Variants in LUZP2 observed in about 807,000 individuals in gnomAD.
The protein encoded by LUZP2 is leucine zipper protein 2.
In LUZP2, 52 loss-of-function variants were observed where a neutral mutation model predicts 51.6. That is an observed-to-expected ratio of 1.01 (90% CI 0.81 to 1.27). The LOEUF is 1.27. Ranked by LOEUF, LUZP2 falls within the 50% of genes most tolerant of loss-of-function variation. The probability of loss-of-function intolerance (pLI) is 0.00; values close to 1 mark genes in which losing one functional copy is unlikely to be tolerated. For missense variants in LUZP2, 436 were observed against 395.4 expected (o/e 1.10, Z -0.87); for synonymous variants, 154 against 137.3 (o/e 1.12, Z -0.85).
intron 7 of LUZP2, among the ~76,000 whole-genome samples, chr11:24,968,304 C>T (rs1855647241): frequency 6.6e-6 from 1 of 152,078 alleles, no homozygotes; most frequent in Non-Finnish European, 1.5e-5. Context: ...TGAATTCCAC[C>T]ATTGTATCAC....
At chr11:24,530,268 T>A (rs1171356717) in intron 1 of LUZP2, among the ~76,000 whole-genome samples, 1 of 150,906 alleles carries the variant, frequency 6.6e-6, no homozygotes, top group East Asian at 1.9e-4. Flanking sequence ...GTTAAATGCA[T>A]AACTTCAGTA....
chr11:24,738,953 G>T (rs1440429695), intron 4 of LUZP2, among the ~76,000 whole-genome samples: 1 of 152,014 alleles, frequency 6.6e-6, no homozygotes, highest in East Asian at 1.9e-4. Flanking sequence ...TACGCACCAT[G>T]TATAGGGATT....
chr11:24,819,161 T>C (rs1399404458), intron 5 of LUZP2, among the ~76,000 whole-genome samples: 1 of 151,970 alleles, frequency 6.6e-6, no homozygotes, highest in African/African-American at 2.4e-5. Flanking sequence ...GCAAATATAA[T>C]GGGAAGTGAA....
intron 9 of LUZP2, among the ~76,000 whole-genome samples, chr11:25,020,593 G>GT (rs1857303626): frequency 6.6e-6 from 1 of 151,860 alleles, no homozygotes; most frequent in Non-Finnish European, 1.5e-5. Context: ...TGGTGGTGTT[G>GT]TATATAGCAA....
At chr11:24,586,453 T>G (rs967119245) in intron 1 of LUZP2, among the ~76,000 whole-genome samples, 3 of 152,082 alleles carry the variant, frequency 2.0e-5, no homozygotes, top group Admixed American at 6.5e-5. Flanking sequence ...GAAAAATATA[T>G]AATTTTCTCA....
intron 4 of LUZP2, among the ~76,000 whole-genome samples, chr11:24,757,161 T>G (rs1003063871): frequency 1.3e-5 from 2 of 152,120 alleles, no homozygotes; most frequent in African/African-American, 4.8e-5. Context: ...AATTGATAAT[T>G]TTAAACTATT....
intron 1 of LUZP2, among the ~76,000 whole-genome samples, chr11:24,690,387 TA>T (rs1203844705): frequency 6.6e-6 from 1 of 152,140 alleles, no homozygotes; most frequent in Non-Finnish European, 1.5e-5. Context: ...CAAAAGCTCA[TA>T]GAAGGTGATT....
intron 1 of LUZP2, among the ~76,000 whole-genome samples, chr11:24,655,749 C>G (rs2133971673): frequency 6.6e-6 from 1 of 152,248 alleles, no homozygotes; most frequent in Middle Eastern, 3.4e-3. Context: ...CTGGAGTTTG[C>G]TGTATCTAAG....
intron 1 of LUZP2, among the ~76,000 whole-genome samples, chr11:24,645,310 A>G (rs1855430385): frequency 1.3e-5 from 2 of 152,180 alleles, no homozygotes. Context: ...TTTTATGTTG[A>G]ACATATTGTA....
intron 1 of LUZP2, among the ~76,000 whole-genome samples, chr11:24,688,376 C>T (rs1195013967): frequency 6.6e-6 from 1 of 152,058 alleles, no homozygotes; most frequent in Non-Finnish European, 1.5e-5. Context: ...CTCAGGAAGA[C>T]TGTTTTGGAA....
intron 9 of LUZP2, among the ~76,000 whole-genome samples, chr11:25,035,638 T>C (rs1857833162): frequency 6.6e-6 from 1 of 152,146 alleles, no homozygotes; most frequent in Non-Finnish European, 1.5e-5. Flanking sequence ...TTAAACACTA[T>C]TCTTATCAAA....
At chr11:25,063,408 A>G (rs993734921) in intron 10 of LUZP2, among the ~76,000 whole-genome samples, 1 of 151,764 alleles carries the variant, frequency 6.6e-6, no homozygotes, top group African/African-American at 2.4e-5. Context: ...TCTTAATACA[A>G]TATTTTCCAA....
At chr11:24,930,837 C>CT (rs768814071) in intron 7 of LUZP2, among the ~76,000 whole-genome samples, 3 of 152,112 alleles carry the variant, frequency 2.0e-5, no homozygotes, top group Non-Finnish European at 4.4e-5. Flanking sequence ...TTATAGATTT[C>CT]TTTTCTTCCT....
intron 1 of LUZP2, among the ~76,000 whole-genome samples, chr11:24,524,002 C>T (rs1333316192): frequency 6.6e-6 from 1 of 151,700 alleles, no homozygotes; most frequent in Non-Finnish European, 1.5e-5. Context: ...ATTCATTTAT[C>T]TCCTGAATGA....
intron 5 of LUZP2, among the ~76,000 whole-genome samples, chr11:24,897,537 C>G (rs909766489): frequency 8.5e-5 from 13 of 152,100 alleles, no homozygotes; most frequent in African/African-American, 2.9e-4. Flanking sequence ...AGCTGTAACA[C>G]TCACCGCGAA....
intron 1 of LUZP2, among the ~76,000 whole-genome samples, chr11:24,521,966 T>A (rs557685677): frequency 1.2e-4 from 18 of 152,050 alleles, no homozygotes; most frequent in Non-Finnish European, 2.4e-4. Context: ...ATATATATAT[T>A]TTTCGAATCA....
chr11:24,958,876 T>C (rs1482792495), intron 7 of LUZP2, among the ~76,000 whole-genome samples: 2 of 152,226 alleles, frequency 1.3e-5, no homozygotes, highest in East Asian at 1.9e-4. Flanking sequence ...CTAGGGTTTT[T>C]ATGGTTTTAG....
At chr11:24,716,328 A>G (rs189367513) in intron 1 of LUZP2, among the ~76,000 whole-genome samples, 12 of 152,334 alleles carry the variant, frequency 7.9e-5, no homozygotes, top group Non-Finnish European at 1.3e-4. Flanking sequence ...GGCGTTCAAC[A>G]TACTCTTGGA....
chr11:25,022,361 T>C (rs1201030837), intron 9 of LUZP2, among the ~76,000 whole-genome samples: 3 of 152,068 alleles, frequency 2.0e-5, no homozygotes, highest in African/African-American at 7.2e-5. Flanking sequence ...GGCCATATCA[T>C]GCTTACCCAA....
Sources: allele counts gnomAD v4.1 joint callset (sites outside exome capture counted in the v4.1 genomes callset), GRCh38; gene constraint gnomAD v4.1.1; transcripts MANE v1.5; gene names NCBI Gene and HGNC (gene_info 2026-07-23, HGNC 2026-07-21).